Variants in TTC8 observed in about 807,000 individuals in gnomAD.
TTC8 encodes tetratricopeptide repeat domain 8.
Under a neutral mutation model 72.5 loss-of-function variants are expected in TTC8, and 47 were observed. The observed-to-expected ratio is 0.65, with a 90% CI of 0.51 to 0.83. TTC8 has a LOEUF of 0.83. Among genes scored for constraint, TTC8 ranks in the 40% least tolerant of loss-of-function variants. The pLI, the probability that TTC8 is intolerant of heterozygous loss-of-function variation, is 0.00. For missense variants in TTC8, 611 were observed against 623.2 expected (o/e 0.98, Z 0.21); for synonymous variants, 199 against 221.4 (o/e 0.90, Z 0.90).
rs1305616351 is a variant in TTC8 at position 88,846,268 on chromosome 14, A to C, written c.624+2418A>C. Among the ~76,000 whole-genome samples, 2 of 152,112 alleles carry C rather than the reference A, an allele frequency of 1.3e-5. 1 individual carries two copies. Among genetic ancestry groups the C allele is most frequent in the Non-Finnish European group, 2.9e-5 (2 of 68,004 alleles). On this transcript the variant is annotated intron_variant, in intron 7 of 14. Coordinates refer to ENST00000380656, the MANE Select transcript of TTC8 (RefSeq NM_144596.4). ...CTGAACCCAGGGAGGTCGAGGCTGC[A>C]GTGAGCCATGATCATGCCACTGCAC... is the stretch of plus-strand genomic sequence containing the variant.
chr14:88,864,004 G>GAAATATATT (rs1483751957), intron 10 of TTC8, among the ~76,000 whole-genome samples: 1 of 151,866 alleles, frequency 6.6e-6, no homozygotes, highest in Non-Finnish European at 1.5e-5. Flanking sequence ...ATATAATATT[G>GAAATATATT]AACAGACATA....
chr14:88,825,946 C>G (rs1051927314), intron 1 of TTC8, among the ~76,000 whole-genome samples: 4 of 152,100 alleles, frequency 2.6e-5, no homozygotes, highest in African/African-American at 9.7e-5. Context: ...TTTCTGTAGA[C>G]AAGCATTTTT....
At chr14:88,848,040 T>C (rs925125449) in intron 7 of TTC8, among the ~76,000 whole-genome samples, 53 of 148,974 alleles carry the variant, frequency 3.6e-4, no homozygotes, top group African/African-American at 1.2e-3. Flanking sequence ...GGAGAATTGC[T>C]TGAACCCGGG....
intron 1 of TTC8, among the ~76,000 whole-genome samples, chr14:88,829,291 T>G (rs969715968): frequency 1.3e-5 from 2 of 152,182 alleles, no homozygotes; most frequent in African/African-American, 4.8e-5. Flanking sequence ...AAATCGTGAC[T>G]GAAAAAGTGG....
intron 14 of TTC8, among the ~76,000 whole-genome samples, chr14:88,876,182 C>A (rs1308454465): frequency 6.6e-6 from 1 of 152,164 alleles, no homozygotes; most frequent in Non-Finnish European, 1.5e-5. Context: ...TTAGTTAAAC[C>A]CCCAAGAGGG....
chr14:88,880,188 A>G (rs1412411630), downstream of TTC8: 1 of 152,234 alleles, frequency 6.6e-6, no homozygotes. Context: ...AGAAATTGGA[A>G]TGTTCCATGT....
intron 8 of TTC8, among the ~76,000 whole-genome samples, chr14:88,853,776 T>C (rs557418614): frequency 2.0e-5 from 3 of 152,374 alleles, no homozygotes; most frequent in African/African-American, 7.2e-5. Flanking sequence ...ATGAATTTTA[T>C]GAATATTTAT....
chr14:88,866,606 G>A (rs2094910906), intron 10 of TTC8, among the ~76,000 whole-genome samples: 1 of 151,840 alleles, frequency 6.6e-6, no homozygotes, highest in Non-Finnish European at 1.5e-5. Context: ...TGACTATACC[G>A]CCCCCCTTTT....
intron 8 of TTC8, among the ~76,000 whole-genome samples, chr14:88,856,368 A>C (rs1351961645): frequency 6.6e-6 from 1 of 152,250 alleles, no homozygotes; most frequent in African/African-American, 2.4e-5. Context: ...AAATGAAAGT[A>C]GCACAATGGA....
intron 7 of TTC8, among the ~76,000 whole-genome samples, chr14:88,852,230 A>G (rs778300999): frequency 6.6e-6 from 1 of 152,200 alleles, no homozygotes; most frequent in Admixed American, 6.5e-5. Flanking sequence ...CACCTCCTCT[A>G]TGTAAAATTC....
chr14:88,825,391 A>T (rs11621939), intron 1 of TTC8, among the ~76,000 whole-genome samples: 14,028 of 152,264 alleles, frequency 0.092, 760 homozygotes, highest in Non-Finnish European at 0.12. Context: ...TTCATTATTT[A>T]AAAAATTACC....
chr14:88,826,487 G>A (rs996326775), intron 1 of TTC8, among the ~76,000 whole-genome samples: 2 of 151,436 alleles, frequency 1.3e-5, no homozygotes, highest in South Asian at 2.1e-4. Context: ...GGCGGATCAC[G>A]AGGTCAGGAG....
At chr14:88,881,059 T>G (rs2094970762), downstream of TTC8, 1 of 152,110 alleles carries the variant, frequency 6.6e-6, no homozygotes, top group Admixed American at 6.5e-5. Flanking sequence ...GTGGCAAATT[T>G]TATTAAATTC....
At chr14:88,861,124 T>G (rs1275255716) in intron 9 of TTC8, 98 bp from the exon 10 acceptor site, 1 of 940,562 alleles carries the variant, frequency 1.1e-6, no homozygotes, top group Non-Finnish European at 1.6e-6. Flanking sequence ...TAATGTAATA[T>G]CTAGGAGATA....
chr14:88,845,250 A>G (rs535454468), intron 7 of TTC8, among the ~76,000 whole-genome samples: 22 of 152,338 alleles, frequency 1.4e-4, no homozygotes, highest in African/African-American at 5.3e-4. Context: ...GACAAAGGAA[A>G]GACAGACAGG....
intron 7 of TTC8, among the ~76,000 whole-genome samples, chr14:88,845,969 G>T (rs1022778058): frequency 2.0e-5 from 3 of 151,944 alleles, no homozygotes; most frequent in African/African-American, 7.3e-5. Flanking sequence ...AAATAATGAC[G>T]TGGGGGAGGA....
chr14:88,842,609 A>G (rs933303483), intron 6 of TTC8, among the ~76,000 whole-genome samples: 10 of 152,054 alleles, frequency 6.6e-5, no homozygotes, highest in Non-Finnish European at 1.5e-4. Flanking sequence ...TACCATTGCT[A>G]TTTTTTGACC....
intron 10 of TTC8, among the ~76,000 whole-genome samples, chr14:88,867,576 A>T (rs536692989): frequency 9.2e-5 from 14 of 152,200 alleles, no homozygotes; most frequent in Non-Finnish European, 2.1e-4. Flanking sequence ...ATTTACTTTT[A>T]ATTTTGTACC....
At chr14:88,829,050 G>A (rs2094714439) in intron 1 of TTC8, among the ~76,000 whole-genome samples, 1 of 152,150 alleles carries the variant, frequency 6.6e-6, no homozygotes, top group Admixed American at 6.5e-5. Context: ...GTTTGGTAAT[G>A]GGGAAGGGTT....
Sources: gnomAD v4.1 joint callset for allele counts (sites outside exome capture counted in the v4.1 genomes callset) on GRCh38, gnomAD v4.1.1 for gene constraint, MANE v1.5 for transcripts, NCBI Gene and HGNC (gene_info 2026-07-23, HGNC 2026-07-21) for gene names.